The following C2CD2 variants were observed in gnomAD, a reference collection of about 807,000 sequenced individuals.
C2CD2 encodes the protein C2 calcium dependent domain containing 2.
In C2CD2, 43 loss-of-function variants were observed where a neutral mutation model predicts 74.3. The observed-to-expected ratio is 0.58, with a 90% CI of 0.45 to 0.75. The LOEUF is 0.75. Among genes scored for constraint, C2CD2 ranks in the 30% least tolerant of loss-of-function variants. The pLI is 0.00. For synonymous variants in C2CD2, 422 were observed against 390.7 expected, an observed-to-expected ratio of 1.08 and a Z score of -0.94; for missense variants, 801 against 916.3, an observed-to-expected ratio of 0.87 and a Z score of 1.63.
intron 2 of C2CD2, among the ~76,000 whole-genome samples, chr21:41,930,206 G>C (rs1241723317): frequency 6.7e-6 from 1 of 149,940 alleles, no homozygotes; most frequent in Non-Finnish European, 1.5e-5. Context: ...CTCCTGGTGG[G>C]TGAGGGTTTC....
rs10580778 is a variant in C2CD2, at chr21:41,916,664, T to TACAC, written c.720+1437_720+1440dup. ...AGCCTTCATAACTGTGTGAGCTGATTACACACACACACACACACACACACA... is the reference window on the plus strand; with the variant it reads ...AGCCTTCATAACTGTGTGAGCTGATTACACACACACACACACACACACACACACA... On this transcript the variant is annotated intron_variant, in intron 5 of 13. Coordinates refer to ENST00000380486, the MANE Select transcript of C2CD2 (RefSeq NM_015500.2). Among the ~76,000 whole-genome samples the TACAC allele has an allele frequency of 4.7e-3, 683 of 144,746 alleles. 5 individuals are homozygous for TACAC. Among genetic ancestry groups the TACAC allele is most frequent in the Middle Eastern group, 0.014 (4 of 286 alleles). 95.0% of individuals were successfully genotyped at this position (144,746 alleles called of 152,430 possible).
intron 11 of C2CD2, among the ~76,000 whole-genome samples, chr21:41,904,944 A>G (rs2064942734): frequency 6.6e-6 from 1 of 152,142 alleles, no homozygotes; most frequent in African/African-American, 2.4e-5. Flanking sequence ...AAAGTCTATT[A>G]CCTGAAACTG....
chr21:41,952,476 G>A (rs952518009), intron 1 of C2CD2, among the ~76,000 whole-genome samples: 1 of 152,232 alleles, frequency 6.6e-6, no homozygotes, highest in Admixed American at 6.5e-5. Context: ...GGCCTGGAAG[G>A]GCGGAGCAGC....
chr21:41,935,354 T>G (rs10446259), intron 2 of C2CD2, among the ~76,000 whole-genome samples: 1 of 152,122 alleles, frequency 6.6e-6, no homozygotes, highest in African/African-American at 2.4e-5. Context: ...CACCAGTTCA[T>G]GCAACTACTG....
chr21:41,911,313 T>C (rs899176428), intron 7 of C2CD2, among the ~76,000 whole-genome samples: 5 of 152,118 alleles, frequency 3.3e-5, no homozygotes, highest in African/African-American at 1.2e-4. Flanking sequence ...GCTGCTAGAT[T>C]CTGTTTGATA....
intron 8 of C2CD2, among the ~76,000 whole-genome samples, chr21:41,909,115 G>A (rs2064998104): frequency 6.6e-6 from 1 of 152,180 alleles, no homozygotes; most frequent in African/African-American, 2.4e-5. Flanking sequence ...TCTTACTACA[G>A]TTAAAAGGTT....
At chr21:41,928,347 G>A (rs371857009) in intron 2 of C2CD2, among the ~76,000 whole-genome samples, 3 of 152,222 alleles carry the variant, frequency 2.0e-5, no homozygotes, top group Admixed American at 6.5e-5. Context: ...TCATCCAGAC[G>A]AACAGGTGGC....
At chr21:41,904,168 C>T (rs181742076) in intron 11 of C2CD2, among the ~76,000 whole-genome samples, 1 of 152,306 alleles carries the variant, frequency 6.6e-6, no homozygotes, top group East Asian at 1.9e-4. Context: ...TGACCTCTGG[C>T]TGTCCTCACT....
intron 2 of C2CD2, among the ~76,000 whole-genome samples, chr21:41,933,240 G>A (rs776830897): frequency 2.0e-5 from 3 of 147,792 alleles, no homozygotes; most frequent in Admixed American, 6.8e-5. Context: ...ATTTGTCACA[G>A]GTCCTCAAGT....
rs376508889 is a variant in C2CD2 at position 41,914,539 on chromosome 21, G to A, written c.844+59C>T. The stretch of plus-strand genomic sequence containing the variant: ...GAATCCAAGGCCCCCCGGAGCCCCC[G>A]ACTCTGCTCAGGGGCTGGAAGAGCC... On this transcript the variant is annotated intron_variant, in intron 6 of 13. Coordinates refer to ENST00000380486, the MANE Select transcript of C2CD2 (RefSeq NM_015500.2). 4.0e-5 allele frequency: 62 copies of A among 1,538,460 alleles called. No individual in the cohort carries two copies. In the African/African-American group the frequency reaches 6.2e-4, roughly 15 times the overall value.
intron 12 of C2CD2, among the ~76,000 whole-genome samples, chr21:41,900,684 C>T (rs2064884425): frequency 4.6e-5 from 7 of 152,236 alleles, no homozygotes; most frequent in Admixed American, 2.6e-4. Flanking sequence ...AGGAATCCAT[C>T]TTCTGCGTGC....
chr21:41,947,137 T>TCTCTATCTCTCTCTCC (rs778013814), intron 1 of C2CD2, among the ~76,000 whole-genome samples: 6 of 25,638 alleles, frequency 2.3e-4, no homozygotes, highest in Admixed American at 9.1e-4. Context: ...TCTCTCTCTC[T>TCTCTATCTCTCTCTCC]CTCCCTCCCT....
intron 6 of C2CD2, among the ~76,000 whole-genome samples, 196 bp from the exon 7 acceptor site, chr21:41,912,636 G>A (rs1236081517): frequency 2.0e-5 from 3 of 151,976 alleles, no homozygotes; most frequent in Admixed American, 6.6e-5. Context: ...GATTACAGGC[G>A]CACGCCTCCA....
chr21:41,922,265 C>T (rs1421555090), intron 2 of C2CD2, among the ~76,000 whole-genome samples, 180 bp from the exon 3 acceptor site: 1 of 150,636 alleles, frequency 6.6e-6, no homozygotes. Context: ...CTCAGGCGAT[C>T]TTCCCACCTC....
At chr21:41,920,198 C>T (rs1263740096) in intron 3 of C2CD2, among the ~76,000 whole-genome samples, 1 of 152,242 alleles carries the variant, frequency 6.6e-6, no homozygotes, top group Non-Finnish European at 1.5e-5. Flanking sequence ...CCTGACAGCT[C>T]CTGGATTTGG....
At chr21:41,932,071 C>G (rs2065267403) in intron 2 of C2CD2, among the ~76,000 whole-genome samples, 1 of 147,500 alleles carries the variant, frequency 6.8e-6, no homozygotes, top group African/African-American at 2.5e-5. Flanking sequence ...AGCATCCCAC[C>G]ACTCCACCTC....
intron 2 of C2CD2, among the ~76,000 whole-genome samples, chr21:41,934,731 G>T (rs1046465408): frequency 6.6e-6 from 1 of 152,200 alleles, no homozygotes; most frequent in Non-Finnish European, 1.5e-5. Flanking sequence ...GCCCGTCTAG[G>T]GGGTGGACAG....
chr21:41,911,170 T>C (rs1482464587), intron 7 of C2CD2, among the ~76,000 whole-genome samples: 2 of 152,230 alleles, frequency 1.3e-5, no homozygotes, highest in East Asian at 1.9e-4. Flanking sequence ...TTTGGACATA[T>C]GTAGAGAAAA....
chr21:41,902,198 A>C (rs1302699891), intron 11 of C2CD2, among the ~76,000 whole-genome samples: 2 of 152,258 alleles, frequency 1.3e-5, no homozygotes, highest in Admixed American at 6.5e-5. Flanking sequence ...ACAACAAAAA[A>C]AAAATATCTA....
Sources: allele counts gnomAD v4.1 joint callset (sites outside exome capture counted in the v4.1 genomes callset), GRCh38; gene constraint gnomAD v4.1.1; transcripts MANE v1.5; gene names NCBI Gene and HGNC (gene_info 2026-07-23, HGNC 2026-07-21).